Variants in NCKAP1 observed in about 807,000 individuals in gnomAD.
NCKAP1 encodes NCK associated protein 1.
Under a neutral mutation model 151.2 loss-of-function variants are expected in NCKAP1, and 21 were observed. That is an observed-to-expected ratio of 0.14 (90% confidence interval 0.10 to 0.20). The LOEUF (loss-of-function observed/expected upper bound fraction) is 0.20, where lower values mean the gene tolerates loss of function less well. NCKAP1 is among the 10% of genes least tolerant of loss of function. The probability of loss-of-function intolerance (pLI) is 1.00; values close to 1 mark genes in which losing one functional copy is unlikely to be tolerated. For synonymous variants in NCKAP1, 484 were observed against 451.8 expected, an observed-to-expected ratio of 1.07 and a Z score of -0.90; for missense variants, 933 against 1,352.1, an observed-to-expected ratio of 0.69 and a Z score of 4.86.
chr2:183,006,373 G>A (rs1195644724), intron 2 of NCKAP1, among the ~76,000 whole-genome samples: 1 of 152,186 alleles, frequency 6.6e-6, no homozygotes, highest in Non-Finnish European at 1.5e-5. Context: ...AAGGAAGCTT[G>A]CAGATCACTT....
rs1195904990 is a variant in NCKAP1 at position 182,976,906 on chromosome 2, C to G, written c.1469G>C (p.Trp490Ser). Residue 490 changes from tryptophan to serine, a missense_variant, in exon 15 of 31, where the codon TGG becomes TCG. Trp to Ser is a radical substitution (Grantham distance 177). Around this residue, in one of 2 missense-constraint regions of NCKAP1, gnomAD observed 607 missense variants for 795.0 expected, o/e 0.76. Coordinates refer to ENST00000361354, the MANE Select transcript of NCKAP1 (RefSeq NM_013436.5). The part of the protein sequence containing the change: ...VFDFRGMRLD[W>S]FRLQAYTSVS... ...GGTTATTCTTACCTGTAACCTAAAC[C>G]AATCTAATCTCATTCCTCTGAAATC... 2 of 1,530,464 alleles carry G rather than the reference C, an allele frequency of 1.3e-6. No homozygotes were observed. The highest frequency in any genetic ancestry group is 1.8e-6 in the Non-Finnish European group (2 of 1,138,074). 94.8% of individuals were successfully genotyped at this position (1,530,464 alleles called of 1,614,324 possible).
intron 2 of NCKAP1, among the ~76,000 whole-genome samples, chr2:183,008,371 A>G (rs1698522295): frequency 1.3e-5 from 2 of 152,226 alleles, no homozygotes; most frequent in Admixed American, 6.5e-5. Flanking sequence ...CATTATTTCA[A>G]TACAAAAATC....
In NCKAP1 at chr2:183,033,653, T is replaced by C. The variant is rs576374387; in HGVS notation, c.108+4339A>G. The stretch of plus-strand genomic sequence containing the variant: ...CAATATTTGAGAGTAACTGAAAGAA[T>C]AGCTCATATGATGGCTTATAAAACA... On this transcript the variant is annotated intron_variant, in intron 1 of 30. Coordinates refer to ENST00000361354, the MANE Select transcript of NCKAP1 (RefSeq NM_013436.5). Among the ~76,000 whole-genome samples, 12 of 152,360 alleles carry C rather than the reference T, an allele frequency of 7.9e-5. No individual in the cohort carries two copies. In the East Asian group the frequency reaches 1.7e-3, roughly 22 times the overall value.
At position 182,934,782 on chromosome 2, in the gene NCKAP1, C is replaced by A; in HGVS notation, c.2829G>T (p.Lys943Asn). Residue 943 changes from lysine to asparagine, a missense_variant, in exon 26 of 31, where the codon AAG becomes AAT. Lys to Asn is a moderately conservative substitution (Grantham distance 94). This residue lies in a region of NCKAP1 where 326 missense variants were observed against 557.1 expected (regional missense o/e 0.59). Transcript: ENST00000361354. Reference protein sequence around the residue: ...PFLVSSIEDFKDHIPRETDMK... With the variant: ...PFLVSSIEDFNDHIPRETDMK... ...TATCAGTTTCCCTTGGAATGTGATC[C>A]TTAAAATCTTCAATTGAACTTACAA... The A allele has an allele frequency of 1.3e-6, 2 of 1,490,810 alleles. No individual in the cohort carries two copies. Among genetic ancestry groups the A allele is most frequent in the Non-Finnish European group, 1.9e-6 (2 of 1,073,518 alleles). 92.3% of individuals were successfully genotyped at this position (1,490,810 alleles called of 1,614,324 possible).
chr2:182,956,653 A>AT (rs1054291485), intron 19 of NCKAP1, 60 bp from the exon 20 acceptor site: 1 of 1,484,738 alleles, frequency 6.7e-7, no homozygotes, highest in African/African-American at 1.4e-5. Context: ...ATACAAAATT[A>AT]ATTTTATAAA....
intron 15 of NCKAP1, among the ~76,000 whole-genome samples, chr2:182,974,569 G>A (rs1266908858): frequency 6.6e-6 from 1 of 152,130 alleles, no homozygotes; most frequent in Non-Finnish European, 1.5e-5. Context: ...AACACAGGGA[G>A]AATGCCTTTA....
chr2:183,003,368 A>G, intron 2 of NCKAP1, 43 bp from the exon 3 acceptor site: 1 of 1,164,000 alleles, frequency 8.6e-7, no homozygotes, highest in Non-Finnish European at 1.3e-6. Flanking sequence ...AGAGAACAAA[A>G]GTATTTAATT....
intron 2 of NCKAP1, among the ~76,000 whole-genome samples, chr2:183,007,840 G>A (rs544620269): frequency 1.3e-5 from 2 of 152,206 alleles, no homozygotes; most frequent in Admixed American, 6.5e-5. Flanking sequence ...GGACTCCTAC[G>A]GTAGCACCCT....
At chr2:182,996,762 G>C (rs1698278316) in intron 6 of NCKAP1, among the ~76,000 whole-genome samples, 1 of 152,030 alleles carries the variant, frequency 6.6e-6, no homozygotes, top group Admixed American at 6.6e-5. Flanking sequence ...GGCTGTAAGA[G>C]TGATTCTTTA....
chr2:182,993,923 T>C (rs932536941), intron 8 of NCKAP1, among the ~76,000 whole-genome samples: 3 of 152,290 alleles, frequency 2.0e-5, no homozygotes, highest in African/African-American at 4.8e-5. Flanking sequence ...AACAAGCTAT[T>C]AGAAGTCATA....
chr2:183,010,683 C>A (rs1698575504), intron 2 of NCKAP1, among the ~76,000 whole-genome samples: 1 of 152,140 alleles, frequency 6.6e-6, no homozygotes, highest in South Asian at 2.1e-4. Context: ...CAAATTAAAG[C>A]AAACTTTGAA....
At chr2:182,964,384 A>C (rs1053074940) in intron 17 of NCKAP1, among the ~76,000 whole-genome samples, 1 of 152,206 alleles carries the variant, frequency 6.6e-6, no homozygotes, top group Admixed American at 6.5e-5. Flanking sequence ...TAAGTATACA[A>C]AATCAATTAC....
intron 2 of NCKAP1, among the ~76,000 whole-genome samples, chr2:183,016,590 T>C (rs1364776170): frequency 6.6e-6 from 1 of 152,136 alleles, no homozygotes; most frequent in Admixed American, 6.6e-5. Context: ...CTGTTACAAC[T>C]CCCAGCATGC....
At chr2:182,940,413 C>T (rs1007355823) in intron 24 of NCKAP1, among the ~76,000 whole-genome samples, 2 of 151,748 alleles carry the variant, frequency 1.3e-5, no homozygotes, top group African/African-American at 4.8e-5. Context: ...TAAAAATGAC[C>T]TTTTCTTTTC....
chr2:182,944,748 T>C (rs1203035919), intron 23 of NCKAP1, among the ~76,000 whole-genome samples: 3 of 152,144 alleles, frequency 2.0e-5, no homozygotes, highest in African/African-American at 7.2e-5. Flanking sequence ...AGAAAAAGAT[T>C]GAATCAAATG....
At chr2:182,962,374 T>C (rs538916857) in intron 17 of NCKAP1, 96 bp from the exon 18 acceptor site, 9 of 1,223,318 alleles carry the variant, frequency 7.4e-6, no homozygotes, top group South Asian at 3.4e-5. Flanking sequence ...AGGCTAAAGG[T>C]ACATTCCGCA....
intron 26 of NCKAP1, among the ~76,000 whole-genome samples, chr2:182,933,300 A>G (rs1696802447): frequency 6.6e-6 from 1 of 152,162 alleles, no homozygotes; most frequent in Admixed American, 6.6e-5. Flanking sequence ...AGAATACCAT[A>G]TAAAAAGAGG....
rs182493991 is a variant in NCKAP1 at position 182,934,993 on chromosome 2, T to A, written c.2779-161A>T. On this transcript the variant is annotated intron_variant, in intron 25 of 30. Coordinates refer to ENST00000361354, the MANE Select transcript of NCKAP1 (RefSeq NM_013436.5). ...AATTTCAAGACATATGAAAATTAAA[T>A]GGATTCAAAATAATTCAATATTAAA... 1.5e-3 allele frequency among the ~76,000 whole-genome samples: 235 copies of A among 152,282 alleles called. 2 individuals are homozygous for A. The highest frequency in any genetic ancestry group is 5.4e-3 in the African/African-American group (225 of 41,562).
chr2:183,002,390 T>C (rs1177690770), intron 4 of NCKAP1, 121 bp from the exon 5 acceptor site: 3 of 696,216 alleles, frequency 4.3e-6, no homozygotes, highest in African/African-American at 1.8e-5. Flanking sequence ...ATCCCTGTTC[T>C]AAAATGCTAA....
Sources: gnomAD v4.1 joint callset for allele counts (sites outside exome capture counted in the v4.1 genomes callset) on GRCh38, gnomAD v4.1.1 for gene constraint, gnomAD v4.1.1 regional missense constraint, MANE v1.5 for transcripts, NCBI Gene and HGNC (gene_info 2026-07-23, HGNC 2026-07-21) for gene names.